Variants in STK32C observed in about 807,000 individuals in gnomAD.
STK32C encodes the protein serine/threonine-protein kinase 32C.
In STK32C, 31 loss-of-function variants were observed where a neutral mutation model predicts 56.5. The ratio of observed to expected loss-of-function variants is 0.55; its 90% CI spans 0.41 to 0.74. STK32C has a LOEUF of 0.74. Among genes scored for constraint, STK32C ranks in the 30% least tolerant of loss-of-function variants. The probability of loss-of-function intolerance (pLI) is 0.00; values close to 1 mark genes in which losing one functional copy is unlikely to be tolerated. For missense variants in STK32C, 544 were observed against 676.9 expected, an observed-to-expected ratio of 0.80 and a Z score of 2.18; for synonymous variants, 309 against 289.4, an observed-to-expected ratio of 1.07 and a Z score of -0.69.
rs192512909 is a variant in STK32C, at chr10:132,282,543, G to A, written c.262+25029C>T. On this transcript the variant is annotated intron_variant, in intron 1 of 11. Coordinates refer to ENST00000298630, the MANE Select transcript of STK32C (RefSeq NM_173575.4). Reference sequence around the variant, plus strand: ...TGTGCCTGTGCCCACCTGTACCTGCGCCTGTCCTTCTGCAGTTCACTTATT... The same window carrying A: ...TGTGCCTGTGCCCACCTGTACCTGCACCTGTCCTTCTGCAGTTCACTTATT... Among the ~76,000 whole-genome samples, 560 of 150,484 alleles carry A rather than the reference G, an allele frequency of 3.7e-3. 3 individuals are homozygous for A. Among genetic ancestry groups the A allele is most frequent in the Non-Finnish European group, 5.6e-3 (382 of 67,976 alleles).
At chr10:132,284,351 AACAGGTGAGGTTGGGGG>A (rs2065315942) in intron 1 of STK32C, among the ~76,000 whole-genome samples, 2 of 4,232 alleles carry the variant, frequency 4.7e-4, no homozygotes, top group Non-Finnish European at 4.1e-4. Flanking sequence ...GGTTGGGGGG[AACAGGTGAGGTTGGGGG>A]GGGCAGGTGA....
At position 132,226,782 on chromosome 10, in the gene STK32C, G is replaced by A; in HGVS notation, c.644+13C>T. On this transcript the variant is annotated intron_variant, in intron 4 of 11. Transcript: ENST00000298630. Reference sequence around the variant, plus strand: ...ACCTCAGCAGGTACCTGCGCCGTCTGCCACGCACACACCTGTGGATGATGT... The same window carrying A: ...ACCTCAGCAGGTACCTGCGCCGTCTACCACGCACACACCTGTGGATGATGT... The A allele has an allele frequency of 2.5e-6, 4 of 1,610,534 alleles. No individual in the cohort carries two copies. Among genetic ancestry groups the A allele is most frequent in the Non-Finnish European group, 3.4e-6 (4 of 1,179,086 alleles).
At chr10:132,262,734 C>T (rs1348713609) in intron 1 of STK32C, among the ~76,000 whole-genome samples, 1 of 109,170 alleles carries the variant, frequency 9.2e-6, no homozygotes, top group East Asian at 3.0e-4. Context: ...GGCCTGGTGA[C>T]AAGAGTGAGA....
chr10:132,259,509 C>T (rs896359540), intron 1 of STK32C, among the ~76,000 whole-genome samples: 1 of 152,080 alleles, frequency 6.6e-6, no homozygotes, highest in Non-Finnish European at 1.5e-5. Context: ...TGGAGTTCCC[C>T]CTTGCTGTTC....
intron 1 of STK32C, among the ~76,000 whole-genome samples, chr10:132,327,229 G>A (rs1388841982): frequency 6.6e-6 from 1 of 152,138 alleles, no homozygotes; most frequent in Non-Finnish European, 1.5e-5. Flanking sequence ...TTTTAAAAAG[G>A]GGAGTTCCCC....
At chr10:132,263,361 T>C (rs989620140) in intron 1 of STK32C, among the ~76,000 whole-genome samples, 2 of 151,944 alleles carry the variant, frequency 1.3e-5, no homozygotes, top group African/African-American at 4.8e-5. Context: ...ATACCACATG[T>C]CCTCATGTGT....
chr10:132,251,120 C>T (rs565601064), intron 1 of STK32C, among the ~76,000 whole-genome samples: 37 of 152,312 alleles, frequency 2.4e-4, no homozygotes, highest in African/African-American at 8.7e-4. Flanking sequence ...CTATCTGCCA[C>T]AGGACCGGCC....
chr10:132,227,177 C>A (rs908448110), intron 3 of STK32C, among the ~76,000 whole-genome samples: 1 of 152,240 alleles, frequency 6.6e-6, no homozygotes, highest in African/African-American at 2.4e-5. Flanking sequence ...GACACACCAC[C>A]CTGTGCTGGA....
chr10:132,297,054 C>A (rs1590430800), intron 1 of STK32C, among the ~76,000 whole-genome samples: 1 of 152,224 alleles, frequency 6.6e-6, no homozygotes, highest in African/African-American at 2.4e-5. Context: ...GACTCACCAC[C>A]CCTTTCACCT....
rs2066123673 is a variant in STK32C, at chr10:132,307,752, C to T, written c.82G>A (p.Gly28Ser). The T allele has an allele frequency of 2.0e-6, 2 of 1,020,298 alleles. No individual in the cohort carries two copies. The highest frequency in any genetic ancestry group is 2.3e-6 in the Non-Finnish European group (2 of 854,612). The allele number at this position is 1,020,298 out of a possible 1,614,324, so 63.2% of individuals were successfully genotyped here. Reference sequence around the variant, plus strand: ...GGCAGGGCCGAGGGCGCGTCGGAGCCGGCGGGGCGCGCGCGGCCGGGGGGC... The same window carrying T: ...GGCAGGGCCGAGGGCGCGTCGGAGCTGGCGGGGCGCGCGCGGCCGGGGGGC... ...SPPPGRARPA[G>S]SDAPSALPPP... Residue 28 changes from glycine to serine, a missense_variant, in exon 1 of 12, where the codon GGC (glycine) becomes AGC (serine). By Grantham distance (56) the Gly-to-Ser change is moderately conservative. Around this residue, in one of 3 missense-constraint regions of STK32C, gnomAD observed 182 missense variants for 217.7 expected, o/e 0.84. Transcript: ENST00000298630. The surrounding 1 kb of genome is among the most constrained non-coding windows in gnomAD (Gnocchi z 4.4).
At chr10:132,331,312 T>C in intron 1 of STK32C, 4 of 954,662 alleles carry the variant, frequency 4.2e-6, no homozygotes, top group Non-Finnish European at 6.1e-6. Context: ...CATTATCAGT[T>C]GGATCCTGGA....
intron 2 of STK32C, among the ~76,000 whole-genome samples, chr10:132,244,373 G>C (rs1392224917): frequency 1.3e-5 from 2 of 152,216 alleles, no homozygotes; most frequent in Non-Finnish European, 2.9e-5. Flanking sequence ...TAGAACCCTG[G>C]CAGTCTACAG....
Position 132,228,056 on chromosome 10 carries a change from C to G in STK32C, c.391G>C (p.Glu131Gln). 1 of 1,614,022 alleles carries G rather than the reference C, an allele frequency of 6.2e-7. No individual in the cohort carries two copies. The highest frequency in any genetic ancestry group is 8.5e-7 in the Non-Finnish European group (1 of 1,180,030). ...AAGACGTTGCGGACCTCGTCGCGCT[C>G]GATGCACTGCTGCTTGTTCATGTAC... Reference protein sequence around the residue: ...MKYMNKQQCIERDEVRNVFRE... With the variant: ...MKYMNKQQCIQRDEVRNVFRE... The change falls in exon 3 of 12, where the codon GAG becomes CAG. Residue 131 changes from glutamate (E) to glutamine (Q), a missense_variant. By Grantham distance (29) the Glu-to-Gln change is conservative. Around this residue, in one of 3 missense-constraint regions of STK32C, gnomAD observed 182 missense variants for 217.7 expected, o/e 0.84. Transcript: ENST00000298630.
intron 1 of STK32C, among the ~76,000 whole-genome samples, chr10:132,271,684 C>T (rs2138161021): frequency 1.3e-5 from 2 of 152,342 alleles, no homozygotes; most frequent in East Asian, 3.9e-4. Flanking sequence ...TGGTGTTTCC[C>T]TAAGGTGGCC....
chr10:132,251,281 A>G (rs1171132172), intron 1 of STK32C, among the ~76,000 whole-genome samples: 3 of 152,192 alleles, frequency 2.0e-5, no homozygotes, highest in Non-Finnish European at 2.9e-5. Context: ...GGCAGAGGCC[A>G]GGCCCCTGCA....
chr10:132,266,243 G>A (rs879453021), intron 1 of STK32C, among the ~76,000 whole-genome samples: 2 of 152,218 alleles, frequency 1.3e-5, no homozygotes, highest in South Asian at 2.1e-4. Flanking sequence ...AGAGCGCGTC[G>A]TGCGATTCTG....
At chr10:132,262,109 G>C (rs1374419595) in intron 1 of STK32C, among the ~76,000 whole-genome samples, 1 of 152,072 alleles carries the variant, frequency 6.6e-6, no homozygotes, top group African/African-American at 2.4e-5. Context: ...TAGACCAATG[G>C]AGCAGAATAG....
chr10:132,310,877 G>C (rs2066206436), upstream of STK32C, among the ~76,000 whole-genome samples: 1 of 152,194 alleles, frequency 6.6e-6, no homozygotes, highest in Non-Finnish European at 1.5e-5. This position sits in a 1 kb window ranked among gnomAD's most constrained non-coding sequence, Gnocchi z 4.6. Flanking sequence ...GAGCATGAAC[G>C]AGTAGCCCAA....
intron 1 of STK32C, among the ~76,000 whole-genome samples, chr10:132,276,091 A>G (rs1172442527): frequency 6.6e-6 from 1 of 152,164 alleles, no homozygotes; most frequent in African/African-American, 2.4e-5. Flanking sequence ...TCATCATGAG[A>G]TGAGCCTGGA....
Sources: allele counts gnomAD v4.1 joint callset (sites outside exome capture counted in the v4.1 genomes callset), GRCh38; gene constraint gnomAD v4.1.1; regional missense constraint gnomAD v4.1.1; non-coding constraint Gnocchi (gnomAD v3.1); transcripts MANE v1.5; gene names NCBI Gene and HGNC (gene_info 2026-07-23, HGNC 2026-07-21).